The following MRGPRX3 variants were observed in gnomAD, a reference collection of about 807,000 sequenced individuals.
MRGPRX3 encodes mas-related G protein-coupled receptor member X3.
Under a neutral mutation model 16.5 loss-of-function variants are expected in MRGPRX3, and 14 were observed. The observed-to-expected ratio is 0.85, with a 90% confidence interval of 0.56 to 1.33. The LOEUF is 1.33. Ranked by LOEUF, MRGPRX3 falls within the 40% of genes most tolerant of loss-of-function variation. MRGPRX3 has a pLI of 0.00. For synonymous variants in MRGPRX3, 199 were observed against 180.1 expected, an observed-to-expected ratio of 1.10 and a Z score of -0.84; for missense variants, 449 against 413.0, an observed-to-expected ratio of 1.09 and a Z score of -0.76.
intron 1 of MRGPRX3, among the ~76,000 whole-genome samples, chr11:18,121,789 C>A (rs369527763): frequency 1.1e-4 from 17 of 151,858 alleles, no homozygotes; most frequent in Non-Finnish European, 1.6e-4. Flanking sequence ...GTTAAACAGA[C>A]GCTTGAAGGC....
At chr11:18,132,070 T>C (rs1213899771), upstream of MRGPRX3, among the ~76,000 whole-genome samples, 1 of 152,222 alleles carries the variant, frequency 6.6e-6, no homozygotes, top group East Asian at 1.9e-4. Context: ...AAAATAATAA[T>C]AATAAATGAT....
upstream of MRGPRX3, among the ~76,000 whole-genome samples, chr11:18,128,017 G>A (rs61884075): frequency 0.14 from 21,339 of 152,236 alleles, 1,631 homozygotes; most frequent in Middle Eastern, 0.26. Flanking sequence ...CAGATCTGTT[G>A]GAGTTTGCTG....
At chr11:18,125,165 G>T (rs1304186395) in intron 1 of MRGPRX3, among the ~76,000 whole-genome samples, 1 of 152,014 alleles carries the variant, frequency 6.6e-6, no homozygotes, top group South Asian at 2.1e-4. Flanking sequence ...ATTTTTTGAA[G>T]GGTTTTTTGT....
chr11:18,138,319 C>A lies in MRGPRX3; in HGVS notation c.*148C>A, dbSNP rs559404187. On this transcript the variant is annotated 3_prime_UTR_variant, in exon 2 of 2. Transcript: ENST00000621697. ...TCGAATAGATGTTTATCTAACCTGACAGTTGCAGTTTTCACCCATGGAAAG... is the reference window on the plus strand; with the variant it reads ...TCGAATAGATGTTTATCTAACCTGAAAGTTGCAGTTTTCACCCATGGAAAG... The A allele has an allele frequency of 1.1e-5, 14 of 1,287,378 alleles. No homozygotes were observed. In the South Asian group the frequency reaches 2.0e-4, roughly 18 times the overall value. 79.7% of individuals were successfully genotyped at this position (1,287,378 alleles called of 1,614,324 possible).
intron 1 of MRGPRX3, among the ~76,000 whole-genome samples, chr11:18,122,692 G>A (rs781490090): frequency 2.6e-4 from 39 of 152,102 alleles, no homozygotes; most frequent in Admixed American, 8.5e-4. Context: ...AATCCTTTGG[G>A]TATATACCCA....
chr11:18,128,376 G>C (rs368285883), upstream of MRGPRX3, among the ~76,000 whole-genome samples: 33 of 152,366 alleles, frequency 2.2e-4, no homozygotes, highest in South Asian at 4.8e-3. Context: ...GCCCCCAGAG[G>C]TGGAGTTTAC....
chr11:18,122,621 A>G (rs1351961465), intron 1 of MRGPRX3, among the ~76,000 whole-genome samples: 2 of 152,180 alleles, frequency 1.3e-5, no homozygotes, highest in East Asian at 3.9e-4. Flanking sequence ...AGTCTTTGCT[A>G]TTGTGAATAG....
intron 1 of MRGPRX3, among the ~76,000 whole-genome samples, chr11:18,127,110 C>T (rs1378842819): frequency 6.6e-6 from 1 of 152,232 alleles, no homozygotes; most frequent in Non-Finnish European, 1.5e-5. Flanking sequence ...CCACTCTCTT[C>T]TGGCTTGTGG....
intron 1 of MRGPRX3, among the ~76,000 whole-genome samples, chr11:18,133,261 G>T (rs1189473981): frequency 6.6e-6 from 1 of 152,202 alleles, no homozygotes; most frequent in Non-Finnish European, 1.5e-5. Flanking sequence ...CCTCCCCTAG[G>T]CTGAAACGGA....
chr11:18,126,235 A>G (rs1848894236), intron 1 of MRGPRX3, among the ~76,000 whole-genome samples: 1 of 152,192 alleles, frequency 6.6e-6, no homozygotes, highest in Non-Finnish European at 1.5e-5. Context: ...TCCTGTCATT[A>G]TGATGTTAGC....
At chr11:18,128,479 G>C (rs550849849), upstream of MRGPRX3, among the ~76,000 whole-genome samples, 1 of 152,166 alleles carries the variant, frequency 6.6e-6, no homozygotes, top group Non-Finnish European at 1.5e-5. Flanking sequence ...CAGCAATGGC[G>C]GGCACCCCTC....
intron 1 of MRGPRX3, among the ~76,000 whole-genome samples, chr11:18,127,114 C>T (rs1467584876): frequency 6.6e-6 from 1 of 152,214 alleles, no homozygotes; most frequent in African/African-American, 2.4e-5. Context: ...TCTCTTCTGG[C>T]TTGTGGAGTT....
At chr11:18,131,236 A>G (rs1848958152), upstream of MRGPRX3, among the ~76,000 whole-genome samples, 1 of 152,216 alleles carries the variant, frequency 6.6e-6, no homozygotes, top group Non-Finnish European at 1.5e-5. Context: ...TCATTAGCAG[A>G]GCAAACAGAC....
At chr11:18,121,152 C>A (rs1848829765) in exon 1 of MRGPRX3, 2 of 151,640 alleles carry the variant, frequency 1.3e-5, no homozygotes, top group South Asian at 2.0e-4. Flanking sequence ...CCGGTCGCGA[C>A]CCCGTCTGGG....
At chr11:18,130,389 C>T (rs186104932), upstream of MRGPRX3, among the ~76,000 whole-genome samples, 1 of 152,102 alleles carries the variant, frequency 6.6e-6, no homozygotes, top group Admixed American at 6.5e-5. Flanking sequence ...CCAACAGTGA[C>T]CAAGCTGAGA....
chr11:18,128,956 T>A (rs1415611362), upstream of MRGPRX3, among the ~76,000 whole-genome samples: 1 of 152,140 alleles, frequency 6.6e-6, no homozygotes, highest in Non-Finnish European at 1.5e-5. Context: ...CAATCAACAA[T>A]GAAATCAAGA....
intron 1 of MRGPRX3, among the ~76,000 whole-genome samples, chr11:18,125,109 A>G (rs1848879315): frequency 6.6e-6 from 1 of 151,444 alleles, no homozygotes; most frequent in African/African-American, 2.4e-5. Flanking sequence ...CTAGCGGTCT[A>G]TCAATTTTGT....
chr11:18,122,377 C>T (rs1848849031), intron 1 of MRGPRX3, among the ~76,000 whole-genome samples: 1 of 152,164 alleles, frequency 6.6e-6, no homozygotes, highest in Admixed American at 6.5e-5. Context: ...GGGATGTTCC[C>T]TGCCCTGTGT....
At chr11:18,132,201 A>G (rs1848967177), upstream of MRGPRX3, among the ~76,000 whole-genome samples, 1 of 152,202 alleles carries the variant, frequency 6.6e-6, no homozygotes, top group South Asian at 2.1e-4. Flanking sequence ...CCTTGCATAC[A>G]CTTCTCTGGC....
Sources: allele counts gnomAD v4.1 joint callset (sites outside exome capture counted in the v4.1 genomes callset), GRCh38; gene constraint gnomAD v4.1.1; transcripts MANE v1.5; gene names NCBI Gene and HGNC (gene_info 2026-07-23, HGNC 2026-07-21).